The following GNS variants were observed in gnomAD, a reference collection of about 807,000 sequenced individuals.
GNS encodes the protein N-acetylglucosamine-6-sulfatase.
GNS carries 40 observed loss-of-function variants against 69.7 expected under a neutral mutation model. The ratio of observed to expected loss-of-function variants is 0.57; its 90% CI spans 0.45 to 0.75. The LOEUF (loss-of-function observed/expected upper bound fraction) is 0.75, where lower values mean the gene tolerates loss of function less well. Among genes scored for constraint, GNS ranks in the 30% least tolerant of loss-of-function variants. The pLI, the probability that GNS is intolerant of heterozygous loss-of-function variation, is 0.00. For missense variants in GNS, 565 were observed against 685.5 expected, an observed-to-expected ratio of 0.82 and a Z score of 1.96; for synonymous variants, 243 against 251.6, an observed-to-expected ratio of 0.97 and a Z score of 0.32.
At chr12:64,721,137 T>C (rs937544108) in intron 12 of GNS, among the ~76,000 whole-genome samples, 2 of 152,190 alleles carry the variant, frequency 1.3e-5, no homozygotes, top group African/African-American at 4.8e-5. Flanking sequence ...AGATAATCCA[T>C]ACCAACCTGT....
At chr12:64,717,518 A>ATTTTTTT in intron 13 of GNS, among the ~76,000 whole-genome samples, 1 of 131,412 alleles carries the variant, frequency 7.6e-6, no homozygotes, top group Non-Finnish European at 1.6e-5. Flanking sequence ...CACCTGGCTA[A>ATTTTTTT]TTTTTTTTTT....
intron 13 of GNS, among the ~76,000 whole-genome samples, chr12:64,719,595 C>T (rs1868961054): frequency 6.6e-6 from 1 of 152,094 alleles, no homozygotes; most frequent in African/African-American, 2.4e-5. Flanking sequence ...ATTAAATTCA[C>T]CAGCAAACAT....
intron 10 of GNS, among the ~76,000 whole-genome samples, chr12:64,724,159 TA>T: frequency 6.6e-6 from 1 of 152,328 alleles, no homozygotes; most frequent in Non-Finnish European, 1.5e-5. Context: ...CTGCATTTAG[TA>T]AGAACTCTTG....
In GNS at chr12:64,716,792, G is replaced by T. The variant is rs1868872243; in HGVS notation, c.1608C>A (p.Phe536Leu). ...GAGTCCTGACACTGCCGCGATTGCT[G>T]AACATGAGACGGGGGTCAAACCTGT... ...PGYRFDPRLM[F>L]SNRGSVRTRR... The change falls in exon 14 of 14, where the codon TTC becomes TTA. Residue 536 changes from phenylalanine (F) to leucine (L), a missense_variant. Around this residue, in one of 2 missense-constraint regions of GNS, gnomAD observed 384 missense variants for 511.0 expected, o/e 0.75. Transcript: ENST00000258145. 2 of 1,613,038 alleles carry T rather than the reference G, an allele frequency of 1.2e-6. No individual in the cohort carries two copies. The highest frequency in any genetic ancestry group is 1.7e-6 in the Non-Finnish European group (2 of 1,179,102).
At chr12:64,738,254 C>T (rs770785111) in intron 8 of GNS, among the ~76,000 whole-genome samples, 1 of 152,178 alleles carries the variant, frequency 6.6e-6, no homozygotes, top group Admixed American at 6.5e-5. Context: ...AGGTGATCCA[C>T]CTGCCTTGGC....
chr12:64,729,923 T>C (rs1869328836), intron 9 of GNS, among the ~76,000 whole-genome samples: 1 of 152,240 alleles, frequency 6.6e-6, no homozygotes, highest in African/African-American at 2.4e-5. Flanking sequence ...CAATGAGATT[T>C]AACTTTTTGT....
chr12:64,720,253 C>T lies in GNS; in HGVS notation c.1420-71G>A. Reference sequence around the variant, plus strand: ...CCGTGAAGAAATACTCTTAACGTGACTTATTTCTAAAGGGGAAGGGAGGAG... The same window carrying T: ...CCGTGAAGAAATACTCTTAACGTGATTTATTTCTAAAGGGGAAGGGAGGAG... On this transcript the variant is annotated intron_variant, in intron 12 of 13. Transcript: ENST00000258145. 3.0e-6 allele frequency: 3 copies of T among 1,007,754 alleles called. No individual in the cohort carries two copies. The Admixed American group carries it at 5.1e-5, about 17-fold the overall frequency. 62.4% of individuals were successfully genotyped at this position (1,007,754 alleles called of 1,614,324 possible). A position where few individuals can be genotyped will look rare whatever the true frequency, so the allele number is the denominator to read the frequency against.
chr12:64,749,873 ATT>A (rs35784292), intron 2 of GNS, among the ~76,000 whole-genome samples: 9 of 127,772 alleles, frequency 7.0e-5, no homozygotes, highest in East Asian at 2.2e-4. Context: ...TGGTAGAGCA[ATT>A]TTTTTTTTTT....
chr12:64,740,218 C>T (rs141478257), intron 7 of GNS, among the ~76,000 whole-genome samples: 3 of 152,334 alleles, frequency 2.0e-5, no homozygotes, highest in African/African-American at 4.8e-5. Context: ...AAGAGAATTT[C>T]TTGAAAATTC....
At chr12:64,732,153 A>ATTTTTTTT (rs1210247666) in intron 9 of GNS, among the ~76,000 whole-genome samples, 2,199 of 88,438 alleles carry the variant, frequency 0.025, 593 homozygotes, top group East Asian at 0.047. Flanking sequence ...CACCTGGCTA[A>ATTTTTTTT]TTTTTTTTTT....
At chr12:64,732,457 C>T (rs564389391) in intron 9 of GNS, among the ~76,000 whole-genome samples, 27 of 149,200 alleles carry the variant, frequency 1.8e-4, no homozygotes, top group South Asian at 1.3e-3. Flanking sequence ...TGTGAACCAC[C>T]GCGCCCAGCC....
At chr12:64,721,248 G>A (rs1869018304) in intron 12 of GNS, among the ~76,000 whole-genome samples, 1 of 152,198 alleles carries the variant, frequency 6.6e-6, no homozygotes, top group Non-Finnish European at 1.5e-5. Context: ...GTGGGAACAG[G>A]AGTTTCCGAA....
At chr12:64,725,783 T>G (rs1704217884) in intron 10 of GNS, among the ~76,000 whole-genome samples, 1 of 151,168 alleles carries the variant, frequency 6.6e-6, no homozygotes, top group African/African-American at 2.4e-5. Context: ...GATCACGAGG[T>G]CGGGAGATCG....
rs17100609 is a variant in GNS, at chr12:64,717,082, G to C, written c.1581-263C>G. Among the ~76,000 whole-genome samples, 1,274 of 152,284 alleles carry C rather than the reference G, an allele frequency of 8.4e-3. 11 individuals carry two copies. Among genetic ancestry groups the C allele is most frequent in the African/African-American group, 0.029 (1,216 of 41,554 alleles). On this transcript the variant is annotated intron_variant, in intron 13 of 13. Transcript: ENST00000258145. ...CTTGAAAGGTGTCAGAAGGCAGCAA[G>C]ATTTGAGATTTTTTTCTTTTGAGGG...
Position 64,729,036 on chromosome 12 carries a change from A to T in GNS, c.1120T>A (p.Leu374Met), listed in dbSNP as rs141908538. ...GCAATGTCCAAAATAGTAGGACCCA[A>T]GTCAATGTTGGCAACCAGCATCTAT... ...TSKMLVANID[L>M]GPTILDIAGY... The change falls in exon 10 of 14, where the codon TTG (leucine) becomes ATG (methionine). Residue 374 changes from leucine (L) to methionine (M), a missense_variant. Leu to Met is a conservative substitution (Grantham distance 15). Around this residue, in one of 2 missense-constraint regions of GNS, gnomAD observed 384 missense variants for 511.0 expected, o/e 0.75. Transcript: ENST00000258145. 33 of 1,584,390 alleles carry T rather than the reference A, an allele frequency of 2.1e-5. No individual in the cohort carries two copies. In the African/African-American group the frequency reaches 4.4e-4, roughly 21 times the overall value.
intron 9 of GNS, among the ~76,000 whole-genome samples, chr12:64,732,137 CCACCACACCTGG>C (rs1043451413): frequency 6.0e-5 from 9 of 149,664 alleles, no homozygotes; most frequent in Admixed American, 4.7e-4. Flanking sequence ...CAGGCACCTG[CCACCACACCTGG>C]CTAATTTTTT....
In GNS at chr12:64,752,727, C is replaced by T. The variant is rs371990029; in HGVS notation, c.223G>A (p.Gly75Arg). The change falls in exon 2 of 14, where the codon GGA becomes AGA. Residue 75 changes from glycine (G) to arginine (R), a missense_variant. Gly to Arg is a moderately radical substitution (Grantham distance 125, BLOSUM62 -2). This residue lies in a region of GNS where 181 missense variants were observed against 174.4 expected (regional missense o/e 1.04). Transcript: ENST00000258145. ...TPLKKTKALI[G>R]EMGMTFSSAY... ...CTGGAAAAAGTCATCCCCATCTCTC[C>T]GATGAGAGCTTTGGTTTTCTTTAGC... 72 of 1,535,484 alleles carry T rather than the reference C, an allele frequency of 4.7e-5. No homozygotes were observed. Among genetic ancestry groups the T allele is most frequent in the Middle Eastern group, 3.5e-4 (2 of 5,794 alleles).
At chr12:64,743,058 C>T in intron 6 of GNS, 83 bp downstream of exon 6, 1 of 1,055,250 alleles carries the variant, frequency 9.5e-7, no homozygotes, top group Non-Finnish European at 1.5e-6. Context: ...AAACCCACTA[C>T]ATGGCTCAAA....
intron 13 of GNS, among the ~76,000 whole-genome samples, chr12:64,719,537 T>G (rs888352562): frequency 6.6e-6 from 1 of 152,218 alleles, no homozygotes; most frequent in Non-Finnish European, 1.5e-5. Flanking sequence ...GGCTTATATA[T>G]TTCAACATCT....
Sources: allele counts gnomAD v4.1 joint callset (sites outside exome capture counted in the v4.1 genomes callset), GRCh38; gene constraint gnomAD v4.1.1; regional missense constraint gnomAD v4.1.1; transcripts MANE v1.5; gene names NCBI Gene and HGNC (gene_info 2026-07-23, HGNC 2026-07-21).